Variants in DPP10 observed in about 807,000 individuals in gnomAD.
DPP10 encodes dipeptidyl peptidase like 10, also known as inactive dipeptidyl peptidase 10.
Under a neutral mutation model 120.9 loss-of-function variants are expected in DPP10, and 33 were observed. That is an observed-to-expected ratio of 0.27 (90% confidence interval 0.21 to 0.37). The LOEUF is 0.37. Ranked by LOEUF, DPP10 falls within the 10% of genes least tolerant of loss-of-function variation. The pLI is 1.00. For synonymous variants in DPP10, 337 were observed against 326.1 expected (o/e 1.03, Z -0.36); for missense variants, 816 against 942.8 (o/e 0.87, Z 1.76).
intron 1 of DPP10, among the ~76,000 whole-genome samples, chr2:114,594,454 A>C (rs1479287035): frequency 6.7e-6 from 1 of 148,210 alleles, no homozygotes; most frequent in East Asian, 1.9e-4. Flanking sequence ...ATGTGAACAC[A>C]TACATATGTA....
At chr2:114,989,285 AATTT>A (rs1700613961) in intron 1 of DPP10, among the ~76,000 whole-genome samples, 1 of 152,124 alleles carries the variant, frequency 6.6e-6, no homozygotes, top group Admixed American at 6.5e-5. Flanking sequence ...ATATTTTATG[AATTT>A]ATTTACTTCC....
At chr2:114,949,666 A>G (rs1402486568) in intron 1 of DPP10, among the ~76,000 whole-genome samples, 1 of 152,002 alleles carries the variant, frequency 6.6e-6, no homozygotes, top group Admixed American at 6.6e-5. Context: ...CACATTTATT[A>G]CCCCAAATTC....
intron 7 of DPP10, among the ~76,000 whole-genome samples, chr2:115,707,421 TACACACACACACACACAC>T (rs35961586): frequency 2.9e-5 from 4 of 138,804 alleles, no homozygotes; most frequent in East Asian, 2.1e-4. Context: ...AAACAAATTT[TACACACACACACACACAC>T]ACACACACAC....
intron 1 of DPP10, among the ~76,000 whole-genome samples, chr2:114,714,869 C>G (rs1415822056): frequency 6.6e-6 from 1 of 151,654 alleles, no homozygotes. Context: ...GAAGACTGGA[C>G]AAATAAACAA....
intron 1 of DPP10, among the ~76,000 whole-genome samples, chr2:115,146,273 T>C (rs2051219445): frequency 6.6e-6 from 1 of 152,046 alleles, no homozygotes; most frequent in South Asian, 2.1e-4. Flanking sequence ...TGCATTAGAA[T>C]CTTCATGCTG....
chr2:115,135,068 G>A (rs959534466), intron 1 of DPP10, among the ~76,000 whole-genome samples: 1 of 151,908 alleles, frequency 6.6e-6, no homozygotes, highest in African/African-American at 2.4e-5. Flanking sequence ...ACTGAAGAAG[G>A]CTTCCACCTA....
chr2:115,384,321 C>T (rs1467755574), intron 3 of DPP10, among the ~76,000 whole-genome samples: 1 of 151,804 alleles, frequency 6.6e-6, no homozygotes, highest in Non-Finnish European at 1.5e-5. Context: ...CTGCAGTGAG[C>T]TATGATCACA....
intron 1 of DPP10, among the ~76,000 whole-genome samples, chr2:115,291,875 C>G (rs1215991183): frequency 6.6e-6 from 1 of 152,096 alleles, no homozygotes; most frequent in Non-Finnish European, 1.5e-5. Context: ...CCCTAAAAAT[C>G]TATTACATGG....
intron 1 of DPP10, among the ~76,000 whole-genome samples, chr2:114,662,849 T>A (rs1697536999): frequency 6.6e-6 from 1 of 152,162 alleles, no homozygotes; most frequent in Admixed American, 6.5e-5. Flanking sequence ...GAGCACCTGC[T>A]GCTTTGATGC....
At chr2:114,923,191 T>C (rs10185932) in intron 1 of DPP10, among the ~76,000 whole-genome samples, 1 of 144,544 alleles carries the variant, frequency 6.9e-6, no homozygotes, top group African/African-American at 2.5e-5. Flanking sequence ...TTCTTTTTTC[T>C]TTTTTTTTTT....
intron 1 of DPP10, among the ~76,000 whole-genome samples, chr2:114,858,499 G>A (rs1689547157): frequency 6.6e-6 from 1 of 152,162 alleles, no homozygotes; most frequent in South Asian, 2.1e-4. Context: ...CTTTCTCCTA[G>A]CCAACAGATT....
At chr2:115,550,383 C>T (rs2079800081) in intron 5 of DPP10, among the ~76,000 whole-genome samples, 1 of 152,064 alleles carries the variant, frequency 6.6e-6, no homozygotes, top group African/African-American at 2.4e-5. Context: ...ATTGTCATTG[C>T]ATCTCTGAAA....
chr2:115,202,979 A>C (rs1247929318), intron 1 of DPP10, among the ~76,000 whole-genome samples: 2 of 152,196 alleles, frequency 1.3e-5, no homozygotes, highest in Admixed American at 1.3e-4. Context: ...ACAACAACAA[A>C]AAATCTTTTG....
chr2:114,519,419 G>A (rs964974426), intron 1 of DPP10, among the ~76,000 whole-genome samples: 1 of 152,208 alleles, frequency 6.6e-6, no homozygotes, highest in Non-Finnish European at 1.5e-5. Flanking sequence ...CCTTTGGCCA[G>A]TGCCATTCAC....
chr2:114,501,243 A>C (rs1466275092), intron 1 of DPP10, among the ~76,000 whole-genome samples: 1 of 152,146 alleles, frequency 6.6e-6, no homozygotes, highest in Non-Finnish European at 1.5e-5. Context: ...TAAAGCAAAA[A>C]TAATAATATT....
At chr2:115,197,294 A>G (rs1289735023) in intron 1 of DPP10, among the ~76,000 whole-genome samples, 4 of 152,010 alleles carry the variant, frequency 2.6e-5, no homozygotes, top group African/African-American at 9.6e-5. Flanking sequence ...CAGGAGGCTG[A>G]GGCAGGAGAA....
intron 4 of DPP10, among the ~76,000 whole-genome samples, chr2:115,508,739 C>T (rs926344438): frequency 6.6e-6 from 1 of 152,102 alleles, no homozygotes; most frequent in Non-Finnish European, 1.5e-5. Flanking sequence ...CCCATCTCTA[C>T]TAAAAATACA....
intron 1 of DPP10, among the ~76,000 whole-genome samples, chr2:114,444,018 A>G (rs1411386305): frequency 6.6e-6 from 1 of 152,186 alleles, no homozygotes; most frequent in Non-Finnish European, 1.5e-5. Flanking sequence ...TTTTAAAAGC[A>G]ATGGGGTTTC....
At chr2:114,978,802 TA>T (rs1424150209) in intron 1 of DPP10, among the ~76,000 whole-genome samples, 1 of 152,168 alleles carries the variant, frequency 6.6e-6, no homozygotes, top group African/African-American at 2.4e-5. Context: ...TATAACTCAC[TA>T]AAGGCAAATA....
Sources: allele counts gnomAD v4.1 joint callset (sites outside exome capture counted in the v4.1 genomes callset), GRCh38; gene constraint gnomAD v4.1.1; transcripts MANE v1.5; gene names NCBI Gene and HGNC (gene_info 2026-07-23, HGNC 2026-07-21).